ATAD2B: variants seen among roughly 807,000 people sequenced by gnomAD.
The protein encoded by ATAD2B is ATPase family AAA domain-containing protein 2B.
ATAD2B carries 40 observed loss-of-function variants against 167.6 expected under a neutral mutation model. The ratio of observed to expected loss-of-function variants is 0.24; its 90% CI spans 0.19 to 0.31. The LOEUF (loss-of-function observed/expected upper bound fraction) is 0.31. ATAD2B is among the 10% of genes least tolerant of loss of function. The probability of loss-of-function intolerance (pLI) is 1.00; values close to 1 mark genes in which losing one functional copy is unlikely to be tolerated. For synonymous variants in ATAD2B, 579 were observed against 596.5 expected (o/e 0.97, Z 0.43); for missense variants, 1,242 against 1,757.2 (o/e 0.71, Z 5.24).
Position 23,867,854 on chromosome 2 carries a change from G to C in ATAD2B, c.1169C>G (p.Pro390Arg). Residue 390 changes from proline (P) to arginine (R), a missense_variant, in exon 10 of 28, where the codon CCA becomes CGA. Coordinates refer to ENST00000238789, the MANE Select transcript of ATAD2B (RefSeq NM_017552.4). ...ACTTACTGATTTATCAATGTTCATTGGATCAACATCAGCCAAGCTTGCACC... is the reference window on the plus strand; with the variant it reads ...ACTTACTGATTTATCAATGTTCATTCGATCAACATCAGCCAAGCTTGCACC... ...KVGASLADVD[P>R]MNIDKSVRFD... The C allele has an allele frequency of 6.2e-7, 1 of 1,608,354 alleles. No individual in the cohort carries two copies. The highest frequency in any genetic ancestry group is 8.5e-7 in the Non-Finnish European group (1 of 1,176,358).
intron 22 of ATAD2B, among the ~76,000 whole-genome samples, chr2:23,776,230 T>C (rs1273115047): frequency 6.6e-6 from 1 of 152,218 alleles, no homozygotes; most frequent in East Asian, 1.9e-4. Flanking sequence ...TGTTCCTCCA[T>C]TGGTTTACCT....
chr2:23,754,389 A>AAACACC, intron 26 of ATAD2B, 82 bp from the exon 27 acceptor site: 1 of 1,362,774 alleles, frequency 7.3e-7, no homozygotes, highest in Non-Finnish European at 1.0e-6. Flanking sequence ...GCTAGTCAAT[A>AAACACC]AACACCATAA....
At chr2:23,776,880 G>C (rs1000720555) in intron 22 of ATAD2B, among the ~76,000 whole-genome samples, 1 of 152,168 alleles carries the variant, frequency 6.6e-6, no homozygotes, top group African/African-American at 2.4e-5. Flanking sequence ...AGTAGGGATT[G>C]TGTTTCATAT....
chr2:23,812,028 C>T (rs1231446990), intron 17 of ATAD2B, among the ~76,000 whole-genome samples: 1 of 151,882 alleles, frequency 6.6e-6, no homozygotes, highest in African/African-American at 2.4e-5. Context: ...ATTAAAATAA[C>T]AAATGAAACA....
At chr2:23,792,214 A>C (rs962657436) in intron 19 of ATAD2B, among the ~76,000 whole-genome samples, 1 of 151,712 alleles carries the variant, frequency 6.6e-6, no homozygotes, top group Non-Finnish European at 1.5e-5. Context: ...CGCCCAGCCT[A>C]ATTTTTGTAT....
intron 22 of ATAD2B, among the ~76,000 whole-genome samples, chr2:23,775,266 G>A (rs899048627): frequency 2.7e-5 from 4 of 148,590 alleles, no homozygotes; most frequent in Non-Finnish European, 4.4e-5. Flanking sequence ...CCAGGCTGGC[G>A]TGCAGTGGCA....
intron 18 of ATAD2B, among the ~76,000 whole-genome samples, chr2:23,803,137 T>A (rs1353465850): frequency 1.3e-5 from 2 of 152,200 alleles, no homozygotes; most frequent in Admixed American, 1.3e-4. Flanking sequence ...GTTTTGTTTT[T>A]TAAGAGTGTT....
chr2:23,690,232 G>A, the ATAD2B span: 1 of 152,254 alleles, frequency 6.6e-6, no homozygotes, highest in Non-Finnish European at 1.5e-5. Flanking sequence ...CTCGTGGGAA[G>A]GGCATTTTCC....
intron 17 of ATAD2B, among the ~76,000 whole-genome samples, chr2:23,814,851 G>A (rs1048078632): frequency 4.0e-5 from 6 of 151,814 alleles, no homozygotes; most frequent in African/African-American, 1.2e-4. Context: ...TCAAGAGATC[G>A]AGACCATCCT....
chr2:23,922,683 C>T (rs1466703967), intron 1 of ATAD2B, among the ~76,000 whole-genome samples: 2 of 131,784 alleles, frequency 1.5e-5, no homozygotes, highest in Non-Finnish European at 3.1e-5. Context: ...GCCTGGGCAT[C>T]AGAGTAAGAC....
intron 2 of ATAD2B, 24 bp from the exon 3 acceptor site, chr2:23,888,423 T>G (rs1487661963): frequency 6.8e-7 from 1 of 1,464,176 alleles, no homozygotes. Context: ...ATATTTAATA[T>G]GCAAACACAT....
chr2:23,734,063 A>C, the ATAD2B span, among the ~76,000 whole-genome samples: 1 of 151,978 alleles, frequency 6.6e-6, no homozygotes, highest in Non-Finnish European at 1.5e-5. Flanking sequence ...CTCAGGGGGG[A>C]AAAAAGCCTT....
the ATAD2B span, among the ~76,000 whole-genome samples, chr2:23,738,730 C>T: frequency 2.0e-5 from 3 of 152,164 alleles, no homozygotes; most frequent in South Asian, 4.1e-4. Context: ...GGGCTAAATG[C>T]TCCAATTAAA....
intron 7 of ATAD2B, among the ~76,000 whole-genome samples, 191 bp downstream of exon 7, chr2:23,880,448 A>G (rs1417274471): frequency 6.6e-6 from 1 of 152,036 alleles, no homozygotes; most frequent in East Asian, 1.9e-4. Context: ...CTGTAGTCCC[A>G]GCTACTCGGG....
At chr2:23,873,021 G>A (rs1437894319) in intron 8 of ATAD2B, 2 of 659,668 alleles carry the variant, frequency 3.0e-6, no homozygotes, top group Non-Finnish European at 5.6e-6. Context: ...CCATGGCAGC[G>A]GGCTGGGGAG....
At chr2:23,842,171 C>T (rs1470214803) in intron 13 of ATAD2B, among the ~76,000 whole-genome samples, 3 of 152,114 alleles carry the variant, frequency 2.0e-5, no homozygotes, top group East Asian at 3.8e-4. Context: ...TTTTCCCCAT[C>T]GGTTATATGA....
the ATAD2B span, chr2:23,697,985 C>T: frequency 1.3e-5 from 2 of 152,236 alleles, no homozygotes; most frequent in Non-Finnish European, 2.9e-5. Flanking sequence ...TCTCCTAAGA[C>T]ACTGATTACT....
intron 17 of ATAD2B, among the ~76,000 whole-genome samples, chr2:23,814,545 T>C (rs984997654): frequency 3.3e-5 from 5 of 152,120 alleles, no homozygotes; most frequent in African/African-American, 1.2e-4. Context: ...ATTCCAAGAC[T>C]GCAAACAGGA....
chr2:23,703,706 G>GCTCTC, the ATAD2B span: 3 of 1,532,704 alleles, frequency 2.0e-6, no homozygotes, highest in East Asian at 7.3e-5. Context: ...TGCCTGCTCT[G>GCTCTC]CTCTCCTCAC....
Sources: gnomAD v4.1 joint callset for allele counts (sites outside exome capture counted in the v4.1 genomes callset) on GRCh38, gnomAD v4.1.1 for gene constraint, MANE v1.5 for transcripts, NCBI Gene and HGNC (gene_info 2026-07-23, HGNC 2026-07-21) for gene names.